The following RIN1 variants were observed in gnomAD, a reference collection of about 807,000 sequenced individuals.
RIN1 encodes the protein Ras and Rab interactor 1, also known as ras inhibitor 1.
Under a neutral mutation model 64.9 loss-of-function variants are expected in RIN1, and 52 were observed. The ratio of observed to expected loss-of-function variants is 0.80; its 90% confidence interval spans 0.64 to 1.01. The LOEUF (loss-of-function observed/expected upper bound fraction) is 1.01, where lower values mean the gene tolerates loss of function less well. Ranked by LOEUF, RIN1 falls within the 50% of genes least tolerant of loss-of-function variation. RIN1 has a pLI of 0.00. For synonymous variants in RIN1, 486 were observed against 483.6 expected, an observed-to-expected ratio of 1.00 and a Z score of -0.06; for missense variants, 1,040 against 1,064.5, an observed-to-expected ratio of 0.98 and a Z score of 0.32.
In RIN1 at chr11:66,334,704, G is replaced by GC; in HGVS notation, c.1094dup (p.Arg366ProfsTer55). The GC allele has an allele frequency of 6.5e-7, 1 of 1,549,318 alleles. No homozygotes were observed. The highest frequency in any genetic ancestry group is 8.7e-7 in the Non-Finnish European group (1 of 1,147,868). ...CCTGCATCAGTGCTGCCGCAGCCCG[G>GC]CCCACCTGCCGCTCCGGTGCCAGTA... is the stretch of plus-strand genomic sequence containing the variant. On this transcript the variant is annotated frameshift_variant, in exon 6 of 10. Transcript: ENST00000311320. LOFTEE classifies it high-confidence loss of function.
In RIN1 at chr11:66,333,628, G is replaced by GATCT; in HGVS notation, c.1621_1622insAGAT (p.Pro541GlnfsTer12). ...GTGGGCCAAGACGAGGCTCAGCAGA[G>GATCT]GCAGGAACTCGTCGGCACCCGCGCC... On this transcript the variant is annotated frameshift_variant, in exon 8 of 10. Coordinates refer to ENST00000311320, the MANE Select transcript of RIN1 (RefSeq NM_004292.3). LOFTEE classifies it high-confidence loss of function. 1 of 1,611,940 alleles carries GATCT rather than the reference G, an allele frequency of 6.2e-7. No homozygotes were observed. Among genetic ancestry groups the GATCT allele is most frequent in the Admixed American group, 1.7e-5 (1 of 59,692 alleles).
chr11:66,334,369 A>G (rs1854820361), intron 6 of RIN1, 145 bp from the exon 7 acceptor site: 1 of 1,260,098 alleles, frequency 7.9e-7, no homozygotes, highest in Non-Finnish European at 1.1e-6. Flanking sequence ...GAGTTGGGGG[A>G]GAGAGGGGAT....
chr11:66,336,484 G>T, upstream of RIN1: 2 of 1,258,432 alleles, frequency 1.6e-6, no homozygotes, highest in South Asian at 1.3e-5. Context: ...CACTTCCTGA[G>T]GGCGGTCCGC....
Position 66,335,112 on chromosome 11 carries a change from G to A in RIN1, c.687C>T (p.Phe229=). The A allele has an allele frequency of 6.5e-7, 1 of 1,536,106 alleles. No homozygotes were observed. Among genetic ancestry groups the A allele is most frequent in the Non-Finnish European group, 8.7e-7 (1 of 1,144,570 alleles). The part of the protein sequence containing the change: ...GAALCFFNPL[F]PGDLGPTKRE... ...GCTTGGTGGGCCCTAGGTCCCCCGG[G>A]AACAGGGGGTTGAAGAAGCACAAGG... Residue 229 remains phenylalanine (F), a synonymous_variant, in exon 6 of 10, where the codon TTC becomes TTT. Coordinates refer to ENST00000311320, the MANE Select transcript of RIN1 (RefSeq NM_004292.3).
intron 5 of RIN1, 25 bp downstream of exon 5, chr11:66,335,382 G>A: frequency 6.3e-7 from 1 of 1,591,344 alleles, no homozygotes; most frequent in Non-Finnish European, 8.6e-7. Flanking sequence ...GTTCATCTGT[G>A]CAATGGGTGG....
Position 66,335,087 on chromosome 11 carries a change from G to A in RIN1, c.712C>T (p.Arg238Trp), listed in dbSNP as rs137954374. ...LFPGDLGPTKREKFKRSFKVR... is the reference protein window; with the variant it reads ...LFPGDLGPTKWEKFKRSFKVR... ...TTGAAGCTTCTCTTGAATTTCTCCC[G>A]CTTGGTGGGCCCTAGGTCCCCCGGG... Residue 238 changes from arginine to tryptophan, a missense_variant, in exon 6 of 10, where the codon CGG becomes TGG. Arg to Trp is a moderately radical substitution (Grantham distance 101, BLOSUM62 -3). Transcript: ENST00000311320. 497 of 1,527,020 alleles carry A rather than the reference G, an allele frequency of 3.3e-4. No individual in the cohort carries two copies. Among genetic ancestry groups the A allele is most frequent in the Non-Finnish European group, 4.1e-4 (467 of 1,139,450 alleles). The allele number at this position is 1,527,020 out of a possible 1,614,324, so 94.6% of individuals were successfully genotyped here. A position where few individuals can be genotyped will look rare whatever the true frequency, so the allele number is the denominator to read the frequency against.
Position 66,332,247 on chromosome 11 carries a change from C to T in RIN1, c.*29G>A, listed in dbSNP as rs376763032. The T allele has an allele frequency of 1.4e-5, 23 of 1,599,614 alleles. No individual in the cohort carries two copies. Among genetic ancestry groups the T allele is most frequent in the African/African-American group, 1.2e-4 (9 of 74,606 alleles). ...TTCTCAGCAGGCTCAGGGTCTCCCG[C>T]CCCGAATGACCCTTCTGGCCACTTC... On this transcript the variant is annotated 3_prime_UTR_variant, in exon 10 of 10. Transcript: ENST00000311320.
At position 66,333,936 on chromosome 11, in the gene RIN1, G is replaced by A; in HGVS notation, c.1574C>T (p.Ala525Val). The change falls in exon 7 of 10, where the codon GCC (alanine) becomes GTC (valine). Residue 525 changes from alanine (A) to valine (V), a missense_variant. Coordinates refer to ENST00000311320, the MANE Select transcript of RIN1 (RefSeq NM_004292.3). ...LLQACKLLYMALRTQEGEGAG... is the reference protein window; with the variant it reads ...LLQACKLLYMVLRTQEGEGAG... ...GGACATACCTTCCTGGGTCCTCAGG[G>A]CCATGTAGAGCAGCTTGCAGGCCTG... The A allele has an allele frequency of 1.9e-6, 3 of 1,544,040 alleles. No individual in the cohort carries two copies. The highest frequency in any genetic ancestry group is 2.6e-6 in the Non-Finnish European group (3 of 1,144,750).
Position 66,336,354 on chromosome 11 carries a change from G to A in RIN1, c.49C>T (p.Pro17Ser). Residue 17 changes from proline (P) to serine (S), a missense_variant, in exon 1 of 10, where the codon CCG (proline) becomes TCG (serine). Coordinates refer to ENST00000311320, the MANE Select transcript of RIN1 (RefSeq NM_004292.3). ...SGAGSPGAPS[P>S]SSFTTGHLAR... is the part of the protein sequence containing the mutation. Reference sequence around the variant, plus strand: ...AGGTGCCCAGTAGTGAAGCTGGACGGGCTGGGGGCTCCAGGAGAGCCCGCG... The same window carrying A: ...AGGTGCCCAGTAGTGAAGCTGGACGAGCTGGGGGCTCCAGGAGAGCCCGCG... 1.2e-6 allele frequency: 2 copies of A among 1,613,740 alleles called. No homozygotes were observed. The highest frequency in any genetic ancestry group is 1.7e-6 in the Non-Finnish European group (2 of 1,179,868).
In RIN1 at chr11:66,331,664, C is replaced by T. The variant is rs57004348; in HGVS notation, c.*612G>A. 14,565 of 152,354 alleles carry T rather than the reference C, an allele frequency of 0.096. 786 individuals are homozygous for T. The highest frequency in any genetic ancestry group is 0.14 in the African/African-American group (5,892 of 41,474). The allele number at this position is 152,354 out of a possible 1,614,324, so 9.4% of individuals were successfully genotyped here. On this transcript the variant is annotated 3_prime_UTR_variant, in exon 10 of 10. Transcript: ENST00000311320. ...TGAGCTCTGCTTGTAGCAAAATCACCCATTTTGATCACTGGGACACTTCTG... is the reference window on the plus strand; with the variant it reads ...TGAGCTCTGCTTGTAGCAAAATCACTCATTTTGATCACTGGGACACTTCTG...
Position 66,334,157 on chromosome 11 carries a change from G to T in RIN1, c.1353C>A (p.Arg451=). ...CGTCTGCGGCAAGCCGGCGCCGCAG[G>T]CGGGCTGCCAGGATGGGCCGGAGAG... ...LKPLRPILAA[R]LRRRLAADGS... The change falls in exon 7 of 10, where the codon CGC becomes CGA. Residue 451 remains arginine (R), a synonymous_variant. Coordinates refer to ENST00000311320, the MANE Select transcript of RIN1 (RefSeq NM_004292.3). 2 of 1,540,776 alleles carry T rather than the reference G, an allele frequency of 1.3e-6. No homozygotes were observed. Among genetic ancestry groups the T allele is most frequent in the Non-Finnish European group, 1.7e-6 (2 of 1,147,890 alleles).
At position 66,335,649 on chromosome 11, in the gene RIN1, G is replaced by A; in HGVS notation, c.416C>T (p.Pro139Leu). ...GGCACAGATGAGCTGGACTAGGTCT[G>A]GGAACATGAGCTCCGAGCCCTCCAA... Reference protein sequence around the residue: ...VSLEGSELMFPDLVQLICAYC... With the variant: ...VSLEGSELMFLDLVQLICAYC... The change falls in exon 4 of 10, where the codon CCA (proline) becomes CTA (leucine). Residue 139 changes from proline to leucine, a missense_variant. Transcript: ENST00000311320. 6.2e-7 allele frequency: 1 copy of A among 1,613,712 alleles called. No individual in the cohort carries two copies. Among genetic ancestry groups the A allele is most frequent in the Non-Finnish European group, 8.5e-7 (1 of 1,179,844 alleles).
Position 66,333,406 on chromosome 11 carries a change from C to G in RIN1, c.1727G>C (p.Gly576Ala). The change falls in exon 9 of 10, where the codon GGC (glycine) becomes GCC (alanine). Residue 576 changes from glycine to alanine, a missense_variant. Transcript: ENST00000311320. ...GGCAGAGAGGCTGGTCAGGTAGTAG[C>G]CACCTGGGACACAGGGTGGAAGAAC... ...LEPSLLTGEG[G>A]YYLTSLSASL... 6.2e-7 allele frequency: 1 copy of G among 1,606,974 alleles called. No individual in the cohort carries two copies. The highest frequency in any genetic ancestry group is 8.5e-7 in the Non-Finnish European group (1 of 1,175,766).
chr11:66,335,427 G>A lies in RIN1; in HGVS notation c.527C>T (p.Ala176Val). Residue 176 changes from alanine (A) to valine (V), a missense_variant, in exon 5 of 10, where the codon GCC becomes GTC. Transcript: ENST00000311320. ...CTTACCAATGCCCAGATGGGAGATG[G>A]CCTCCAGCTCTTTGTGAGTGGCTGC... Reference protein sequence around the residue: ...HHAATHKELEAISHLGIEFWS... With the variant: ...HHAATHKELEVISHLGIEFWS... The A allele has an allele frequency of 6.2e-7, 1 of 1,612,450 alleles. No individual in the cohort carries two copies. Among genetic ancestry groups the A allele is most frequent in the African/African-American group, 1.3e-5 (1 of 75,010 alleles).
rs955929557 is a variant in RIN1, at chr11:66,331,989, C to T, written c.*287G>A. 10 of 496,156 alleles carry T rather than the reference C, an allele frequency of 2.0e-5. No homozygotes were observed. The highest frequency in any genetic ancestry group is 1.3e-4 in the South Asian group (5 of 37,228). 30.7% of individuals were successfully genotyped at this position (496,156 alleles called of 1,614,324 possible). On this transcript the variant is annotated 3_prime_UTR_variant, in exon 10 of 10. Transcript: ENST00000311320. ...TCAGAGGTTGGGCATCTGTCGGATTCGCCCCCACTTGGCACACCCTCATTG... is the reference window on the plus strand; with the variant it reads ...TCAGAGGTTGGGCATCTGTCGGATTTGCCCCCACTTGGCACACCCTCATTG...
At chr11:66,336,470 G>C, upstream of RIN1, 2 of 1,387,378 alleles carry the variant, frequency 1.4e-6, no homozygotes, top group Non-Finnish European at 2.0e-6. Context: ...TCCCCAGTGA[G>C]TAACACTTCC....
chr11:66,335,363 C>A, intron 5 of RIN1, 44 bp downstream of exon 5: 1 of 1,566,686 alleles, frequency 6.4e-7, no homozygotes, highest in Non-Finnish European at 8.7e-7. Flanking sequence ...TTCCCCTCGG[C>A]CTCAGCTTGT....
chr11:66,336,450 G>C (rs1329819610), upstream of RIN1: 2 of 1,526,186 alleles, frequency 1.3e-6, no homozygotes, highest in African/African-American at 2.7e-5. Context: ...CCCAAGGCAA[G>C]GCACGCACAT....
chr11:66,336,231 G>T, intron 1 of RIN1, 73 bp from the exon 2 acceptor site: 1 of 1,506,942 alleles, frequency 6.6e-7, no homozygotes. Flanking sequence ...CCCACTCCCG[G>T]GTTTCCCACT....
Sources: allele counts gnomAD v4.1 joint callset, GRCh38; gene constraint gnomAD v4.1.1; transcripts MANE v1.5; gene names NCBI Gene and HGNC (gene_info 2026-07-23, HGNC 2026-07-21).